Variants in ITGA6 observed in about 807,000 individuals in gnomAD.
ITGA6 encodes integrin alpha-6.
ITGA6 carries 63 observed loss-of-function variants against 133.6 expected under a neutral mutation model. That is an observed-to-expected ratio of 0.47 (90% CI 0.38 to 0.58). ITGA6 has a LOEUF of 0.58. Ranked by LOEUF, ITGA6 falls within the 20% of genes least tolerant of loss-of-function variation. ITGA6 has a pLI of 0.00. For missense variants in ITGA6, 1,068 were observed against 1,309.4 expected (o/e 0.82, Z 2.85); for synonymous variants, 434 against 482.0 (o/e 0.90, Z 1.30).
chr2:172,487,584 C>T lies in ITGA6; in HGVS notation c.2198C>T (p.Ser733Leu), dbSNP rs756342336. ...QLSCVANQNG[S>L]QADCELGNPF... ...AGTTGTGTTGCCAACCAGAATGGCT[C>T]GCAAGCTGACTGTGAGCTCGGAAAT... is the stretch of plus-strand genomic sequence containing the variant. The change falls in exon 16 of 26, where the codon TCG (serine) becomes TTG (leucine). Residue 733 changes from serine (S) to leucine (L), a missense_variant. Around this residue, in one of 3 missense-constraint regions of ITGA6, gnomAD observed 609 missense variants for 707.2 expected, o/e 0.86. Transcript: ENST00000684293. 1 of 1,614,134 alleles carries T rather than the reference C, an allele frequency of 6.2e-7. No individual in the cohort carries two copies. The highest frequency in any genetic ancestry group is 1.7e-5 in the Admixed American group (1 of 60,016).
intron 25 of ITGA6, among the ~76,000 whole-genome samples, chr2:172,503,103 C>T (rs1301537401): frequency 1.3e-5 from 2 of 151,996 alleles, no homozygotes; most frequent in African/African-American, 4.8e-5. Flanking sequence ...TATAACATAA[C>T]ATCATTCAAC....
At chr2:172,495,868 G>A (rs989738525) in intron 23 of ITGA6, among the ~76,000 whole-genome samples, 1 of 150,868 alleles carries the variant, frequency 6.6e-6, no homozygotes, top group Non-Finnish European at 1.5e-5. Context: ...TTCCCCTACT[G>A]TCAGCTGTTT....
At chr2:172,473,344 A>G (rs1184364822) in intron 5 of ITGA6, among the ~76,000 whole-genome samples, 1 of 152,214 alleles carries the variant, frequency 6.6e-6, no homozygotes, top group African/African-American at 2.4e-5. Flanking sequence ...TGCCCTCTGA[A>G]CAAGTATATA....
At chr2:172,492,203 A>G (rs1280321501) in intron 23 of ITGA6, among the ~76,000 whole-genome samples, 2 of 152,158 alleles carry the variant, frequency 1.3e-5, no homozygotes, top group Non-Finnish European at 2.9e-5. Flanking sequence ...TTTACCTCTC[A>G]GCATCTCGGC....
Position 172,504,220 on chromosome 2 carries a change from A to T in ITGA6, c.*152A>T. On this transcript the variant is annotated 3_prime_UTR_variant, in exon 26 of 26. Transcript: ENST00000684293. ...TAACCTTGAAAAAAAACAGTGGATC[A>T]CAAAGTGGAACGAAAATGAAAGCTA... The T allele has an allele frequency of 2.5e-6, 4 of 1,584,036 alleles. No homozygotes were observed. The highest frequency in any genetic ancestry group is 3.4e-6 in the Non-Finnish European group (4 of 1,164,662).
chr2:172,456,889 G>C (rs1454244875), intron 1 of ITGA6, among the ~76,000 whole-genome samples: 1 of 152,198 alleles, frequency 6.6e-6, no homozygotes, highest in Non-Finnish European at 1.5e-5. Context: ...ATTTTGGAAT[G>C]ACACAGTCAT....
rs528532747 is a variant in ITGA6, at chr2:172,501,035, T to C, written c.3115-737T>C. 1.1e-4 allele frequency among the ~76,000 whole-genome samples: 17 copies of C among 152,282 alleles called. No homozygotes were observed. The South Asian group carries it at 3.3e-3, about 30-fold the overall frequency. On this transcript the variant is annotated intron_variant, in intron 24 of 25. Transcript: ENST00000684293. ...TATAAAAGACAGTTCCATGGCCTTA[T>C]GAACTAGATAAAAGTAAATAGGAAA...
intron 24 of ITGA6, among the ~76,000 whole-genome samples, chr2:172,498,588 AT>A (rs1310597168): frequency 6.6e-6 from 1 of 152,254 alleles, no homozygotes; most frequent in African/African-American, 2.4e-5. Flanking sequence ...GGGGGTCACT[AT>A]AGCGTGTATC....
Position 172,469,433 on chromosome 2 carries a change from T to TATGATTTAGTACC in ITGA6, c.643+65_643+66insCATGATTTAGTAC, listed in dbSNP as rs147116420. 499,271 of 1,440,292 alleles carry TATGATTTAGTACC rather than the reference T, an allele frequency of 0.35. 105,316 individuals are homozygous for TATGATTTAGTACC. Among genetic ancestry groups the TATGATTTAGTACC allele is most frequent in the East Asian group, 0.83 (36,183 of 43,624 alleles). The allele number at this position is 1,440,292 out of a possible 1,614,324, so 89.2% of individuals were successfully genotyped here. A position where few individuals can be genotyped will look rare whatever the true frequency, so the allele number is the denominator to read the frequency against. ...AGATTAGTTCCCCTAATTTCTGTAA[T>TATGATTTAGTACC]ATGATTTAGTACATTTTGAGCTAAA... is the stretch of plus-strand genomic sequence containing the variant. On this transcript the variant is annotated intron_variant, in intron 4 of 25. Coordinates refer to ENST00000684293, the MANE Select transcript of ITGA6 (RefSeq NM_000210.4).
chr2:172,465,786 T>G, intron 2 of ITGA6, 123 bp downstream of exon 2: 1 of 1,306,520 alleles, frequency 7.7e-7, no homozygotes, highest in South Asian at 1.2e-5. Context: ...TGCATCAGAC[T>G]TGACTGTTTT....
At position 172,487,345 on chromosome 2, in the gene ITGA6, C is replaced by T. The variant is rs1405079050; in HGVS notation, c.2052C>T (p.Asn684=). The T allele has an allele frequency of 1.2e-6, 2 of 1,613,956 alleles. No individual in the cohort carries two copies. Among genetic ancestry groups the T allele is most frequent in the African/African-American group, 2.7e-5 (2 of 74,938 alleles). ...TAACAGTGACAAACAGCCCTTCCAA[C>T]CCAAGGAATCCCACAAAAGATGGCG... The part of the protein sequence containing the change: ...LEITVTNSPS[N]PRNPTKDGDD... Residue 684 remains asparagine, a synonymous_variant, in exon 15 of 26, where the codon AAC becomes AAT. Transcript: ENST00000684293.
At chr2:172,474,784 G>T in intron 6 of ITGA6, 145 bp from the exon 7 acceptor site, 1 of 691,816 alleles carries the variant, frequency 1.4e-6, no homozygotes, top group South Asian at 1.6e-5. Context: ...GGCTACCTTG[G>T]TTTTTAAAAA....
At chr2:172,458,364 C>G (rs1685299996) in intron 1 of ITGA6, among the ~76,000 whole-genome samples, 3 of 151,932 alleles carry the variant, frequency 2.0e-5, no homozygotes, top group South Asian at 2.1e-4. Flanking sequence ...CTCAGCCTCC[C>G]AGATAGCTGG....
rs572963690 is a variant in ITGA6 at position 172,470,354 on chromosome 2, A to G, written c.644-620A>G. On this transcript the variant is annotated intron_variant, in intron 4 of 25. Coordinates refer to ENST00000684293, the MANE Select transcript of ITGA6 (RefSeq NM_000210.4). ...TTTAGTTTTATTTTAGCATGAATAA[A>G]TGCTTTATATAGTAAAACAAAACAA... Among the ~76,000 whole-genome samples, 3 of 152,324 alleles carry G rather than the reference A, an allele frequency of 2.0e-5. No individual in the cohort carries two copies. In the South Asian group the frequency reaches 6.2e-4, roughly 32 times the overall value.
rs766363547 is a variant in ITGA6, at chr2:172,472,746, A to G, written c.776-1309A>G. The G allele has an allele frequency of 1.9e-5, 28 of 1,436,208 alleles. 1 individual carries two copies. The highest frequency in any genetic ancestry group is 1.4e-4 in the African/African-American group (10 of 71,224). The allele number at this position is 1,436,208 out of a possible 1,614,324, so 89.0% of individuals were successfully genotyped here. On this transcript the variant is annotated intron_variant, in intron 5 of 25. Transcript: ENST00000684293. The stretch of plus-strand genomic sequence containing the variant: ...ACCAAGCATAATTACTTTTTCTTCA[A>G]TTTCTTCCGTCCCGTGCATGCGTAC...
At chr2:172,462,383 A>G (rs866866535) in intron 1 of ITGA6, among the ~76,000 whole-genome samples, 53 of 152,168 alleles carry the variant, frequency 3.5e-4, no homozygotes, top group Admixed American at 1.8e-3. Context: ...GAGGCGGTGC[A>G]ACAGCTAACG....
At chr2:172,504,051 G>A (rs769078947) in intron 25 of ITGA6, 40 bp from the exon 26 acceptor site, 4 of 1,489,912 alleles carry the variant, frequency 2.7e-6, no homozygotes, top group Non-Finnish European at 3.6e-6. Context: ...GCTTCTTTGT[G>A]AGATTAATTT....
At position 172,487,142 on chromosome 2, in the gene ITGA6, A is replaced by G. The variant is rs1195812704; in HGVS notation, c.1970+4A>G. 1 of 1,573,138 alleles carries G rather than the reference A, an allele frequency of 6.4e-7. No homozygotes were observed. Among genetic ancestry groups the G allele is most frequent in the South Asian group, 1.1e-5 (1 of 90,106 alleles). ...ACAAATTTTCTTATTTACCAATGTA[A>G]GAATCGTTGTGTAGCACTAGCAAAA... On this transcript the variant is annotated splice_donor_region_variant and intron_variant, in intron 14 of 25. Transcript: ENST00000684293.
upstream of ITGA6, chr2:172,427,386 T>A (rs887003423): frequency 9.9e-7 from 1 of 1,015,082 alleles, no homozygotes; most frequent in Non-Finnish European, 1.2e-6. Context: ...GCAGTGGGGC[T>A]GCTTCGCCGC....
Sources: allele counts gnomAD v4.1 joint callset (sites outside exome capture counted in the v4.1 genomes callset), GRCh38; gene constraint gnomAD v4.1.1; regional missense constraint gnomAD v4.1.1; transcripts MANE v1.5; gene names NCBI Gene and HGNC (gene_info 2026-07-23, HGNC 2026-07-21).